Variants in FAM169A observed in about 807,000 individuals in gnomAD.
FAM169A encodes soluble lamin-associated protein of 75 kDa.
Under a neutral mutation model 75.7 loss-of-function variants are expected in FAM169A, and 24 were observed. The observed-to-expected ratio is 0.32, with a 90% CI of 0.23 to 0.45. FAM169A has a LOEUF of 0.45. FAM169A is among the 20% of genes least tolerant of loss of function. FAM169A has a pLI of 1.00. For synonymous variants in FAM169A, 271 were observed against 271.0 expected, an observed-to-expected ratio of 1.00 and a Z score of 0.00; for missense variants, 673 against 784.0, an observed-to-expected ratio of 0.86 and a Z score of 1.69.
intron 5 of FAM169A, among the ~76,000 whole-genome samples, chr5:74,823,819 TA>T (rs1257742185): frequency 2.0e-5 from 3 of 152,286 alleles, no homozygotes; most frequent in African/African-American, 7.2e-5. Context: ...CTCAAGTCCT[TA>T]AAATATAATC....
intron 10 of FAM169A, chr5:74,799,243 G>A: frequency 6.9e-7 from 1 of 1,456,174 alleles, no homozygotes; most frequent in Non-Finnish European, 9.7e-7. Context: ...TCAGAAAGAT[G>A]GTGTCTGGAA....
In FAM169A at chr5:74,781,580, T is replaced by G. The variant is rs781105582; in HGVS notation, c.1893A>C (p.Lys631Asn). 3 of 1,614,178 alleles carry G rather than the reference T, an allele frequency of 1.9e-6. No homozygotes were observed. Among genetic ancestry groups the G allele is most frequent in the Non-Finnish European group, 2.5e-6 (3 of 1,180,020 alleles). Residue 631 changes from lysine to asparagine, a missense_variant, in exon 13 of 13, where the codon AAA (lysine) becomes AAC (asparagine). Around this residue, in one of 3 missense-constraint regions of FAM169A, gnomAD observed 510 missense variants for 550.9 expected, o/e 0.93. Transcript: ENST00000687041. The stretch of plus-strand genomic sequence containing the variant: ...TTTCCTCTGAGCTGCTATCCACAGC[T>G]TTTTCTGCCGATTGTGTAAACTGAT... ...QLDQFTQSAE[K>N]AVDSSSEEIE...
At chr5:74,864,323 T>C (rs1750195417) in intron 1 of FAM169A, among the ~76,000 whole-genome samples, 2 of 152,206 alleles carry the variant, frequency 1.3e-5, no homozygotes, top group East Asian at 1.9e-4. Context: ...CTCTGCCTCC[T>C]GGGTTCAAGT....
At chr5:74,782,883 C>A (rs777151105) in intron 12 of FAM169A, 48 bp downstream of exon 12, 8 of 1,446,414 alleles carry the variant, frequency 5.5e-6, no homozygotes, top group South Asian at 2.4e-5. Flanking sequence ...TCGCTAATGT[C>A]ACCAACATTG....
At chr5:74,811,514 C>T (rs558111046) in intron 6 of FAM169A, among the ~76,000 whole-genome samples, 1 of 152,264 alleles carries the variant, frequency 6.6e-6, no homozygotes, top group South Asian at 2.1e-4. Flanking sequence ...GCATCTAATT[C>T]TGTACTTGGT....
At chr5:74,782,050 A>T (rs1561284023) in intron 12 of FAM169A, 42 bp from the exon 13 acceptor site, 1 of 1,455,570 alleles carries the variant, frequency 6.9e-7, no homozygotes, top group African/African-American at 1.4e-5. Flanking sequence ...CTTGTACTAC[A>T]GTTCTAAAAA....
chr5:74,848,530 C>T (rs1440396566), intron 1 of FAM169A: 1 of 152,068 alleles, frequency 6.6e-6, no homozygotes, highest in Non-Finnish European at 1.5e-5. Flanking sequence ...ATTCTATTCA[C>T]ATATTACACG....
At chr5:74,799,678 T>TC (rs1746460834) in intron 10 of FAM169A, 1 of 1,271,930 alleles carries the variant, frequency 7.9e-7, no homozygotes, top group East Asian at 2.3e-5. Context: ...CAGCACCATG[T>TC]CTGCTGCTGA....
At chr5:74,831,822 G>C (rs1748326069) in intron 5 of FAM169A, among the ~76,000 whole-genome samples, 1 of 152,088 alleles carries the variant, frequency 6.6e-6, no homozygotes, top group Admixed American at 6.6e-5. Context: ...CTTAAGCACA[G>C]ATTTGAACCA....
rs572434269 is a variant in FAM169A, at chr5:74,817,818, C to T, written c.491-3799G>A. ...CTGGCATGGGAACACATACACAGATCGAAGAAATAGAACTGAGGGTCCAGA... is the reference window on the plus strand; with the variant it reads ...CTGGCATGGGAACACATACACAGATTGAAGAAATAGAACTGAGGGTCCAGA... On this transcript the variant is annotated intron_variant, in intron 5 of 12. Transcript: ENST00000687041. Among the ~76,000 whole-genome samples, 8 of 152,076 alleles carry T rather than the reference C, an allele frequency of 5.3e-5. No homozygotes were observed. In the South Asian group the frequency reaches 1.7e-3, roughly 32 times the overall value.
intron 5 of FAM169A, among the ~76,000 whole-genome samples, chr5:74,824,708 TAC>T (rs60236324): frequency 0.12 from 17,606 of 146,968 alleles, 2,793 homozygotes; most frequent in African/African-American, 0.37. Flanking sequence ...TACACACACA[TAC>T]ACACACACAC....
At position 74,805,524 on chromosome 5, in the gene FAM169A, C is replaced by CTTTTTTTTTTTTTTTTTTTTTTTTT. The variant is rs1194674402; in HGVS notation, c.671-241_671-240insAAAAAAAAAAAAAAAAAAAAAAAAA. Among the ~76,000 whole-genome samples the CTTTTTTTTTTTTTTTTTTTTTTTTT allele has an allele frequency of 8.5e-5, 7 of 81,924 alleles. 1 individual carries two copies. The highest frequency in any genetic ancestry group is 3.8e-4 in the African/African-American group (7 of 18,436). The allele number at this position is 81,924 out of a possible 152,430, so 53.7% of individuals were successfully genotyped here. On this transcript the variant is annotated intron_variant, in intron 6 of 12. Transcript: ENST00000687041. ...AAAAATCCTTTAAAAATGTGCTTCG[C>CTTTTTTTTTTTTTTTTTTTTTTTTT]TTTTTTTTTTTTTTTTTTTTTTTGG...
intron 1 of FAM169A, among the ~76,000 whole-genome samples, chr5:74,857,124 AAAAAAATC>A (rs1289565457): frequency 6.6e-6 from 1 of 151,522 alleles, no homozygotes; most frequent in African/African-American, 2.4e-5. Flanking sequence ...AAAAAAAAAA[AAAAAAATC>A]ACACTGCAAA....
chr5:74,855,356 C>T (rs1227236216), intron 1 of FAM169A, among the ~76,000 whole-genome samples: 1 of 152,134 alleles, frequency 6.6e-6, no homozygotes, highest in Non-Finnish European at 1.5e-5. Flanking sequence ...CCACCATGTT[C>T]AGCTAATTTT....
At position 74,841,556 on chromosome 5, in the gene FAM169A, G is replaced by C. The variant is rs1748863726; in HGVS notation, c.121C>G (p.Leu41Val). The change falls in exon 2 of 13, where the codon CTC becomes GTC. Residue 41 changes from leucine to valine, a missense_variant. Around this residue, in one of 3 missense-constraint regions of FAM169A, gnomAD observed 56 missense variants for 52.2 expected, o/e 1.07. Coordinates refer to ENST00000687041, the MANE Select transcript of FAM169A (RefSeq NM_001376049.1). ...DPENPECFSL[L>V]NITIPISLSN... ...GCAGAACACCTTACCGTAATATTGA[G>C]AAGAGAAAAACACTCTGGATTTTCA... is the stretch of plus-strand genomic sequence containing the variant. 2 of 1,612,304 alleles carry C rather than the reference G, an allele frequency of 1.2e-6. No individual in the cohort carries two copies. Among genetic ancestry groups the C allele is most frequent in the African/African-American group, 1.3e-5 (1 of 74,882 alleles).
chr5:74,796,578 G>A (rs916932265), intron 10 of FAM169A, among the ~76,000 whole-genome samples: 1 of 151,900 alleles, frequency 6.6e-6, no homozygotes, highest in Non-Finnish European at 1.5e-5. Context: ...CTAATTTTTT[G>A]TATTTTTAGT....
chr5:74,837,058 C>G (rs1748608156), intron 4 of FAM169A, among the ~76,000 whole-genome samples: 1 of 152,046 alleles, frequency 6.6e-6, no homozygotes, highest in Admixed American at 6.6e-5. Flanking sequence ...CAATCCATAT[C>G]TGGAGGTTTC....
chr5:74,837,974 G>A (rs749899623), intron 4 of FAM169A, among the ~76,000 whole-genome samples: 11 of 151,732 alleles, frequency 7.2e-5, no homozygotes, highest in Admixed American at 1.3e-4. Flanking sequence ...AAAATTAGCC[G>A]GGCATGGTGG....
chr5:74,826,720 A>G (rs1748049027), intron 5 of FAM169A, among the ~76,000 whole-genome samples: 1 of 152,206 alleles, frequency 6.6e-6, no homozygotes, highest in Non-Finnish European at 1.5e-5. Context: ...CTTCACCCTA[A>G]TGTTAACATC....
Sources: gnomAD v4.1 joint callset for allele counts (sites outside exome capture counted in the v4.1 genomes callset) on GRCh38, gnomAD v4.1.1 for gene constraint, gnomAD v4.1.1 regional missense constraint, MANE v1.5 for transcripts, NCBI Gene and HGNC (gene_info 2026-07-23, HGNC 2026-07-21) for gene names.